The following FAAH2 variants were observed in gnomAD, a reference collection of about 807,000 sequenced individuals.
The protein encoded by FAAH2 is fatty-acid amide hydrolase 2.
A neutral mutation model predicts 36.9 loss-of-function variants in FAAH2; 60 were observed. The observed-to-expected ratio is 1.63, with a 90% confidence interval of 1.32 to 2.02. The LOEUF (loss-of-function observed/expected upper bound fraction) is 2.02, where lower values mean the gene tolerates loss of function less well. Ranked by LOEUF, FAAH2 falls within the 30% of genes most tolerant of loss-of-function variation. The pLI is 0.00. For missense variants in FAAH2, 689 were observed against 397.5 expected, an observed-to-expected ratio of 1.73 and a Z score of -6.23; for synonymous variants, 214 against 143.8, an observed-to-expected ratio of 1.49 and a Z score of -3.49.
the FAAH2 span, chrX:57,137,214 C>T: frequency 2.6e-6 from 2 of 760,315 alleles, no homozygotes; most frequent in Non-Finnish European, 3.1e-6. Context: ...CCCTGCCTGG[C>T]GTCCACCGCC....
At chrX:57,431,058 G>A (rs1316287585) in intron 7 of FAAH2, among the ~76,000 whole-genome samples, 1 of 111,639 alleles carries the variant, frequency 9.0e-6, no homozygotes, top group African/African-American at 3.3e-5. Context: ...GACACACTGA[G>A]CTGCAACACT....
the FAAH2 span, among the ~76,000 whole-genome samples, chrX:57,279,081 G>A: frequency 8.9e-6 from 1 of 112,186 alleles, no homozygotes; most frequent in Admixed American, 9.4e-5. Flanking sequence ...ATTGCCATTT[G>A]TCCCAGCAAT....
At chrX:57,268,409 C>T in the FAAH2 span, among the ~76,000 whole-genome samples, 1 of 111,423 alleles carries the variant, frequency 9.0e-6, no homozygotes, top group African/African-American at 3.3e-5. Flanking sequence ...GAGAATGGGA[C>T]CAACTTGGAA....
intron 8 of FAAH2, among the ~76,000 whole-genome samples, chrX:57,432,793 C>T (rs747309662): frequency 7.2e-5 from 8 of 111,398 alleles, no homozygotes; most frequent in Admixed American, 9.6e-5. Flanking sequence ...AGGCTACCTC[C>T]TAGTTTTGTT....
intron 3 of FAAH2, among the ~76,000 whole-genome samples, chrX:57,315,198 T>C (rs766684489): frequency 9.0e-6 from 1 of 111,329 alleles, no homozygotes; most frequent in African/African-American, 3.3e-5. Flanking sequence ...TCTTCCAAGA[T>C]TGAATCAGGA....
chrX:57,184,472 C>T, the FAAH2 span, among the ~76,000 whole-genome samples: 26 of 111,964 alleles, frequency 2.3e-4, no homozygotes, highest in African/African-American at 7.8e-4. Flanking sequence ...CTCAGCCAGC[C>T]GACACTTATG....
chrX:57,153,347 A>T, the FAAH2 span, among the ~76,000 whole-genome samples: 2 of 112,280 alleles, frequency 1.8e-5, no homozygotes, highest in African/African-American at 6.5e-5. Context: ...GAAGTGGAAC[A>T]TTTAGGCCAT....
the FAAH2 span, among the ~76,000 whole-genome samples, chrX:57,246,471 A>G: frequency 8.9e-6 from 1 of 111,923 alleles, no homozygotes; most frequent in African/African-American, 3.2e-5. Context: ...AAAATTCTCA[A>G]TAAAATACTA....
At chrX:57,125,156 CTTA>C in the FAAH2 span, among the ~76,000 whole-genome samples, 1 of 112,581 alleles carries the variant, frequency 8.9e-6, no homozygotes, top group Admixed American at 9.3e-5. Context: ...ATAAATAGCT[CTTA>C]TTATTTTGAG....
At chrX:57,436,801 A>G (rs1424545193) in intron 8 of FAAH2, among the ~76,000 whole-genome samples, 1 of 111,298 alleles carries the variant, frequency 9.0e-6, no homozygotes, top group Non-Finnish European at 1.9e-5. Flanking sequence ...GATTTTCCAT[A>G]CACACAAAGA....
the FAAH2 span, among the ~76,000 whole-genome samples, chrX:57,167,325 C>T: frequency 2.7e-5 from 3 of 111,592 alleles, no homozygotes; most frequent in Non-Finnish European, 3.8e-5. Flanking sequence ...TTATGACCTT[C>T]GCAATGAATC....
chrX:57,436,807 AAAG>A (rs769160525), intron 8 of FAAH2, among the ~76,000 whole-genome samples: 2 of 111,173 alleles, frequency 1.8e-5, no homozygotes, highest in Non-Finnish European at 3.8e-5. Context: ...CCATACACAC[AAAG>A]AAGAATAAAC....
intron 3 of FAAH2, among the ~76,000 whole-genome samples, chrX:57,318,672 G>A (rs1420329634): frequency 9.0e-6 from 1 of 111,658 alleles, no homozygotes; most frequent in African/African-American, 3.3e-5. Context: ...TCCATTTTAT[G>A]GGGCCAGCAT....
At chrX:57,358,945 A>C in intron 5 of FAAH2, among the ~76,000 whole-genome samples, 1 of 111,134 alleles carries the variant, frequency 9.0e-6, no homozygotes, top group Non-Finnish European at 1.9e-5. Context: ...TACATGAGAT[A>C]TTTTGATACA....
chrX:57,190,035 G>T, the FAAH2 span, among the ~76,000 whole-genome samples: 1 of 111,892 alleles, frequency 8.9e-6, no homozygotes, highest in Non-Finnish European at 1.9e-5. Context: ...TCTGTCACAG[G>T]GAGATGTGAG....
intron 7 of FAAH2, chrX:57,392,574 T>C: frequency 1.2e-6 from 1 of 822,926 alleles, no homozygotes; most frequent in Non-Finnish European, 1.8e-6. Flanking sequence ...ACTTCCTAAC[T>C]CCCAGTGGGC....
intron 7 of FAAH2, 26 bp from the exon 8 acceptor site, chrX:57,431,892 C>G: frequency 8.9e-7 from 1 of 1,117,496 alleles, no homozygotes. Context: ...TCATGTTTGT[C>G]TGTTTTTATA....
chrX:57,421,043 C>T (rs2056008826), intron 7 of FAAH2, among the ~76,000 whole-genome samples: 1 of 112,220 alleles, frequency 8.9e-6, no homozygotes, highest in African/African-American at 3.2e-5. Context: ...ATTATTTCCC[C>T]TTCCCAGTAC....
At chrX:57,450,097 CT>C (rs1322977916) in intron 10 of FAAH2, among the ~76,000 whole-genome samples, 3 of 111,280 alleles carry the variant, frequency 2.7e-5, no homozygotes, top group South Asian at 3.8e-4. Context: ...GAGAAATATA[CT>C]GTTTATACCT....
Sources: allele counts gnomAD v4.1 joint callset (sites outside exome capture counted in the v4.1 genomes callset), GRCh38; gene constraint gnomAD v4.1.1; transcripts MANE v1.5; gene names NCBI Gene and HGNC (gene_info 2026-07-23, HGNC 2026-07-21).